Variants in ERG observed in about 807,000 individuals in gnomAD.
ERG encodes transcriptional regulator ERG.
A neutral mutation model predicts 55.3 loss-of-function variants in ERG; 9 were observed. The ratio of observed to expected loss-of-function variants is 0.16; its 90% CI spans 0.10 to 0.28. The LOEUF (loss-of-function observed/expected upper bound fraction) is 0.28, where lower values mean the gene tolerates loss of function less well. ERG is among the 10% of genes least tolerant of loss of function. ERG has a pLI of 1.00. For synonymous variants in ERG, 223 were observed against 237.3 expected (o/e 0.94, Z 0.55); for missense variants, 434 against 631.6 (o/e 0.69, Z 3.35).
rs144414478 is a variant in ERG at position 38,598,687 on chromosome 21, G to A, written c.-149-13742C>T. 2.8e-4 allele frequency among the ~76,000 whole-genome samples: 42 copies of A among 152,256 alleles called. No homozygotes were observed. In the East Asian group the frequency reaches 6.6e-3, roughly 24 times the overall value. On this transcript the variant is annotated intron_variant, in intron 1 of 10. Coordinates refer to the ERG transcript ENST00000398910. ...CAAGTCCCTGCCCCTCTGCCTTCCC[G>A]GCCTCAAGGGTATATATGTCAGAAA...
At chr21:38,481,670 C>A (rs2059239716) in intron 1 of ERG, among the ~76,000 whole-genome samples, 1 of 152,186 alleles carries the variant, frequency 6.6e-6, no homozygotes, top group African/African-American at 2.4e-5. Context: ...TATGCTATCT[C>A]ATATCCATTA....
chr21:38,446,474 G>A (rs902478731), intron 1 of ERG, among the ~76,000 whole-genome samples: 5 of 152,282 alleles, frequency 3.3e-5, no homozygotes, highest in Admixed American at 2.6e-4. Flanking sequence ...CAGCCAATGA[G>A]CAACGGCAAG....
At chr21:38,425,471 C>T (rs963461176) in intron 2 of ERG, among the ~76,000 whole-genome samples, 16 of 152,222 alleles carry the variant, frequency 1.1e-4, no homozygotes, top group African/African-American at 3.6e-4. Context: ...AAGCAGAAAA[C>T]AGAAAATACA....
chr21:38,531,313 C>G (rs1040611606), intron 2 of ERG, among the ~76,000 whole-genome samples: 48 of 152,208 alleles, frequency 3.2e-4, no homozygotes, highest in African/African-American at 1.0e-3. Context: ...GGTAACCTCT[C>G]CCCAACATGA....
intron 3 of ERG, among the ~76,000 whole-genome samples, chr21:38,423,034 G>C (rs1407894334): frequency 1.3e-5 from 2 of 151,186 alleles, no homozygotes; most frequent in African/African-American, 2.4e-5. Context: ...CACAAGCAAG[G>C]CTGCATGTTT....
intron 2 of ERG, among the ~76,000 whole-genome samples, chr21:38,550,428 G>T (rs1203509564): frequency 6.6e-6 from 1 of 152,222 alleles, no homozygotes. Flanking sequence ...AGTATGAGGA[G>T]GAGGGGCCTT....
chr21:38,373,732 T>C, the ERG span, among the ~76,000 whole-genome samples: 1 of 152,234 alleles, frequency 6.6e-6, no homozygotes, highest in African/African-American at 2.4e-5. Flanking sequence ...CTGTGTTCTA[T>C]TTCTTTTTGT....
At chr21:38,485,455 T>C (rs1272528620) in intron 1 of ERG, among the ~76,000 whole-genome samples, 4 of 144,598 alleles carry the variant, frequency 2.8e-5, no homozygotes, top group Non-Finnish European at 6.0e-5. Context: ...AGTGTAAATA[T>C]ACAGTCTTTT....
At chr21:38,451,979 A>G (rs2058945782) in intron 1 of ERG, among the ~76,000 whole-genome samples, 1 of 152,262 alleles carries the variant, frequency 6.6e-6, no homozygotes, top group African/African-American at 2.4e-5. Flanking sequence ...CAGAGAAGGA[A>G]GTATTAACAT....
upstream of ERG, among the ~76,000 whole-genome samples, chr21:38,501,360 C>T (rs1168843947): frequency 6.6e-6 from 1 of 151,722 alleles, no homozygotes; most frequent in Non-Finnish European, 1.5e-5. Flanking sequence ...AACCACCACG[C>T]CCGGCCAAGG....
intron 1 of ERG, among the ~76,000 whole-genome samples, chr21:38,600,439 T>C (rs762541740): frequency 2.0e-5 from 3 of 152,156 alleles, no homozygotes; most frequent in Non-Finnish European, 2.9e-5. Context: ...TCCAGCCTAG[T>C]GTCTCCCGGT....
intron 3 of ERG, among the ~76,000 whole-genome samples, chr21:38,417,660 G>A (rs1989339463): frequency 6.6e-6 from 1 of 152,042 alleles, no homozygotes; most frequent in South Asian, 2.1e-4. Flanking sequence ...GTGGTGGCAG[G>A]CGCCTGAGAT....
chr21:38,369,483 G>T, the ERG span, among the ~76,000 whole-genome samples: 2 of 151,982 alleles, frequency 1.3e-5, no homozygotes, highest in South Asian at 2.1e-4. Context: ...TCTTTGTAAA[G>T]AAATTAATAA....
In ERG at chr21:38,440,639, G is replaced by A. The variant is rs1025069017; in HGVS notation, c.236+4765C>T. ...AGTTCGAGACCAGCCTGGACAACAT[G>A]GTGAAGCCCCATCTCCGCTAAAAAT... is the stretch of plus-strand genomic sequence containing the variant. On this transcript the variant is annotated intron_variant, in intron 2 of 9. Coordinates refer to ENST00000288319, the MANE Select transcript of ERG (RefSeq NM_182918.4). Among the ~76,000 whole-genome samples, 5 of 151,980 alleles carry A rather than the reference G, an allele frequency of 3.3e-5. No homozygotes were observed. The East Asian group carries it at 9.7e-4, about 29-fold the overall frequency.
intron 1 of ERG, among the ~76,000 whole-genome samples, chr21:38,598,816 A>G (rs1180285854): frequency 3.3e-5 from 5 of 152,200 alleles, no homozygotes; most frequent in East Asian, 1.9e-4. Flanking sequence ...CACAATTTCA[A>G]TCAACCAAAG....
At chr21:38,400,770 A>T in intron 5 of ERG, 125 bp from the exon 6 acceptor site, 1 of 663,988 alleles carries the variant, frequency 1.5e-6, no homozygotes, top group Non-Finnish European at 2.6e-6. Context: ...ACCTGCCTTA[A>T]CAGAGCTCCG....
chr21:38,565,849 G>T (rs2059919621), intron 2 of ERG, among the ~76,000 whole-genome samples: 1 of 152,150 alleles, frequency 6.6e-6, no homozygotes. Context: ...TGCAGGCGGG[G>T]ACATCATCTG....
chr21:38,598,867 C>T (rs990801315), intron 1 of ERG, among the ~76,000 whole-genome samples: 19 of 152,164 alleles, frequency 1.2e-4, no homozygotes, highest in African/African-American at 1.7e-4. Context: ...TCTTGTGCAC[C>T]GGCACTGATA....
chr21:38,571,981 T>C (rs970148137), intron 2 of ERG, among the ~76,000 whole-genome samples: 1 of 152,086 alleles, frequency 6.6e-6, no homozygotes, highest in Non-Finnish European at 1.5e-5. Flanking sequence ...ACAAAAACAT[T>C]TTAGTAGCAA....
Sources: gnomAD v4.1 joint callset for allele counts (sites outside exome capture counted in the v4.1 genomes callset) on GRCh38, gnomAD v4.1.1 for gene constraint, MANE v1.5 for transcripts, NCBI Gene and HGNC (gene_info 2026-07-23, HGNC 2026-07-21) for gene names.